The following SHB variants were observed in gnomAD, a reference collection of about 807,000 sequenced individuals.
The protein encoded by SHB is SH2 domain containing adaptor protein B.
A neutral mutation model predicts 52.3 loss-of-function variants in SHB; 20 were observed. The ratio of observed to expected loss-of-function variants is 0.38; its 90% CI spans 0.27 to 0.56. SHB has a LOEUF of 0.56. SHB is among the 20% of genes least tolerant of loss of function. The probability of loss-of-function intolerance (pLI) is 0.71; values close to 1 mark genes in which losing one functional copy is unlikely to be tolerated. For missense variants in SHB, 825 were observed against 723.3 expected, an observed-to-expected ratio of 1.14 and a Z score of -1.61; for synonymous variants, 397 against 316.5, an observed-to-expected ratio of 1.25 and a Z score of -2.70.
At chr9:38,006,454 A>C (rs1821077161) in intron 2 of SHB, among the ~76,000 whole-genome samples, 1 of 152,130 alleles carries the variant, frequency 6.6e-6, no homozygotes, top group African/African-American at 2.4e-5. Context: ...GATTAATCTG[A>C]GTCTCCCTGA....
chr9:37,951,874 A>G (rs563658047), intron 4 of SHB, among the ~76,000 whole-genome samples: 1 of 152,346 alleles, frequency 6.6e-6, no homozygotes, highest in East Asian at 1.9e-4. Context: ...GCTGGAGACT[A>G]GGAGTCAGGC....
chr9:37,992,461 CT>C, intron 2 of SHB, among the ~76,000 whole-genome samples: 1 of 152,242 alleles, frequency 6.6e-6, no homozygotes, highest in East Asian at 1.9e-4. Flanking sequence ...AGCTCATGGC[CT>C]AAAAACGTGG....
intron 1 of SHB, among the ~76,000 whole-genome samples, chr9:38,050,338 T>C (rs1383252290): frequency 6.6e-6 from 1 of 152,194 alleles, no homozygotes; most frequent in South Asian, 2.1e-4. Context: ...GTCTAAGGAA[T>C]AGACTTAATA....
chr9:37,929,273 T>G (rs1832286340), intron 5 of SHB, among the ~76,000 whole-genome samples: 1 of 152,256 alleles, frequency 6.6e-6, no homozygotes, highest in Non-Finnish European at 1.5e-5. Context: ...AGGATGTCGT[T>G]GGAGCCTGGT....
At chr9:38,065,772 T>G (rs1048097356) in intron 1 of SHB, among the ~76,000 whole-genome samples, 1 of 152,226 alleles carries the variant, frequency 6.6e-6, no homozygotes, top group African/African-American at 2.4e-5. Context: ...AGGCCCCCTC[T>G]GTGCTTAGCC....
chr9:37,985,277 C>T (rs1248989708), intron 2 of SHB, among the ~76,000 whole-genome samples: 1 of 152,238 alleles, frequency 6.6e-6, no homozygotes, highest in African/African-American at 2.4e-5. Flanking sequence ...GCTCCCTTCC[C>T]TTGGTTGTCT....
At chr9:38,066,239 A>C (rs980458840) in intron 1 of SHB, among the ~76,000 whole-genome samples, 3 of 152,170 alleles carry the variant, frequency 2.0e-5, no homozygotes, top group African/African-American at 4.8e-5. Context: ...ATGTTTACTG[A>C]AGTTTTGAAC....
At chr9:38,026,249 G>C (rs978724513) in intron 1 of SHB, among the ~76,000 whole-genome samples, 3 of 152,228 alleles carry the variant, frequency 2.0e-5, no homozygotes, top group Non-Finnish European at 4.4e-5. Context: ...CAAGGCCCGG[G>C]AGTCACCAAG....
At chr9:37,971,175 A>G (rs1182892666) in intron 3 of SHB, among the ~76,000 whole-genome samples, 1 of 151,900 alleles carries the variant, frequency 6.6e-6, no homozygotes, top group African/African-American at 2.4e-5. Flanking sequence ...CACACCAACG[A>G]CTCGCTCAAG....
rs1832111178 is a variant in SHB at position 37,917,186 on chromosome 9, GGAA to G, written c.*2632_*2634del. On this transcript the variant is annotated 3_prime_UTR_variant, in exon 6 of 6. Coordinates refer to ENST00000377707, the MANE Select transcript of SHB (RefSeq NM_003028.3). ...GACACAGGAAACGGTCACAATTAGA[GGAA>G]GAAGAGGGAGAGGTTCATAAAATTA... 1.3e-5 allele frequency among the ~76,000 whole-genome samples: 2 copies of G among 152,202 alleles called. No homozygotes were observed. Among genetic ancestry groups the G allele is most frequent in the African/African-American group, 2.4e-5 (1 of 41,444 alleles).
At chr9:37,995,004 G>C (rs974390377) in intron 2 of SHB, among the ~76,000 whole-genome samples, 15 of 152,158 alleles carry the variant, frequency 9.9e-5, no homozygotes, top group Admixed American at 9.8e-4. Context: ...CGTTCTTCCT[G>C]AGTGTTTCAT....
intron 2 of SHB, among the ~76,000 whole-genome samples, chr9:37,997,331 A>G (rs1361586168): frequency 6.6e-6 from 1 of 152,160 alleles, no homozygotes; most frequent in African/African-American, 2.4e-5. Context: ...GTGGGTCCCC[A>G]GAGCCACTAG....
rs1832519730 is a variant in SHB, at chr9:37,948,452, G to A, written c.1346+183C>T. 2.0e-5 allele frequency among the ~76,000 whole-genome samples: 3 copies of A among 152,182 alleles called. No homozygotes were observed. In the South Asian group the frequency reaches 6.2e-4, roughly 32 times the overall value. On this transcript the variant is annotated intron_variant, in intron 5 of 5. Coordinates refer to ENST00000377707, the MANE Select transcript of SHB (RefSeq NM_003028.3). ...CATCTTCTGGAAGGGCAGCAACAGT[G>A]AACATAAAAACTCCTCTGTATCCCA...
At chr9:38,064,983 T>A (rs189956031) in intron 1 of SHB, among the ~76,000 whole-genome samples, 2 of 152,196 alleles carry the variant, frequency 1.3e-5, no homozygotes, top group Admixed American at 6.5e-5. Flanking sequence ...TAGCCAGGCG[T>A]GACAGTACAT....
chr9:38,022,992 C>T (rs1022926306), intron 1 of SHB, among the ~76,000 whole-genome samples: 5 of 152,174 alleles, frequency 3.3e-5, no homozygotes, highest in African/African-American at 1.2e-4. Flanking sequence ...AGTGCAAAGC[C>T]CAGACTCAAC....
chr9:38,000,483 C>G (rs1820997466), intron 2 of SHB, among the ~76,000 whole-genome samples: 1 of 152,246 alleles, frequency 6.6e-6, no homozygotes, highest in Non-Finnish European at 1.5e-5. Context: ...GGCAGCCTGC[C>G]CTTCACCTTG....
At chr9:38,021,951 T>A (rs1293753787) in intron 1 of SHB, among the ~76,000 whole-genome samples, 1 of 152,194 alleles carries the variant, frequency 6.6e-6, no homozygotes, top group Non-Finnish European at 1.5e-5. Flanking sequence ...TGCTCTCCTC[T>A]CCCCGGAAAG....
At chr9:37,944,868 C>G (rs1832474414) in intron 5 of SHB, among the ~76,000 whole-genome samples, 1 of 152,206 alleles carries the variant, frequency 6.6e-6, no homozygotes, top group East Asian at 1.9e-4. Flanking sequence ...CTCTCTGTGG[C>G]AGGGACTGCC....
intron 4 of SHB, among the ~76,000 whole-genome samples, chr9:37,952,050 C>T (rs1030524384): frequency 3.3e-5 from 5 of 152,206 alleles, no homozygotes; most frequent in East Asian, 1.9e-4. Flanking sequence ...ACTCAACTAT[C>T]GTCCTTCACC....
Sources: gnomAD v4.1 joint callset for allele counts (sites outside exome capture counted in the v4.1 genomes callset) on GRCh38, gnomAD v4.1.1 for gene constraint, MANE v1.5 for transcripts, NCBI Gene and HGNC (gene_info 2026-07-23, HGNC 2026-07-21) for gene names.